Variants in RBFOX2 observed in about 807,000 individuals in gnomAD.
RBFOX2 encodes RNA binding protein fox-1 homolog 2.
A neutral mutation model predicts 49.1 loss-of-function variants in RBFOX2; 10 were observed. That is an observed-to-expected ratio of 0.20 (90% CI 0.13 to 0.35). The LOEUF (loss-of-function observed/expected upper bound fraction) is 0.35, where lower values mean the gene tolerates loss of function less well. Ranked by LOEUF, RBFOX2 falls within the 10% of genes least tolerant of loss-of-function variation. The pLI is 1.00. For synonymous variants in RBFOX2, 183 were observed against 187.4 expected, an observed-to-expected ratio of 0.98 and a Z score of 0.19; for missense variants, 323 against 486.9, an observed-to-expected ratio of 0.66 and a Z score of 3.17.
intron 1 of RBFOX2, among the ~76,000 whole-genome samples, chr22:35,948,076 T>C (rs2054512594): frequency 6.6e-6 from 1 of 152,320 alleles, no homozygotes; most frequent in African/African-American, 2.4e-5. Flanking sequence ...TTATACTGTA[T>C]TTTTGCTGTA....
At chr22:36,002,413 G>A (rs1166371067) in intron 1 of RBFOX2, among the ~76,000 whole-genome samples, 2 of 152,118 alleles carry the variant, frequency 1.3e-5, no homozygotes, top group African/African-American at 2.4e-5. Context: ...AACTTACCGT[G>A]GGATACTATG....
intron 6 of RBFOX2, among the ~76,000 whole-genome samples, chr22:35,762,226 T>C (rs1939148921): frequency 6.6e-6 from 1 of 152,188 alleles, no homozygotes; most frequent in East Asian, 1.9e-4. Flanking sequence ...TTATGTTTAA[T>C]GTCAACTTTA....
intron 2 of RBFOX2, among the ~76,000 whole-genome samples, chr22:35,793,671 T>C (rs567019979): frequency 8.5e-5 from 13 of 152,352 alleles, no homozygotes; most frequent in African/African-American, 1.2e-4. Context: ...TACATTTACT[T>C]AGAGCAACTC....
chr22:35,798,320 G>C (rs1949150305), intron 2 of RBFOX2, among the ~76,000 whole-genome samples: 1 of 152,174 alleles, frequency 6.6e-6, no homozygotes, highest in Non-Finnish European at 1.5e-5. Flanking sequence ...TTGAGGGCAG[G>C]GGCTTTATTT....
chr22:35,898,290 C>T, intron 1 of RBFOX2: 1 of 746,956 alleles, frequency 1.3e-6, no homozygotes. Context: ...GGTATGAGGG[C>T]ATGATGAAGC....
At chr22:35,940,521 G>A (rs1327305288), upstream of RBFOX2, among the ~76,000 whole-genome samples, 4 of 152,240 alleles carry the variant, frequency 2.6e-5, no homozygotes, top group East Asian at 7.7e-4. Context: ...TAGCTGCTCT[G>A]GAAACAGTTG....
chr22:35,830,467 G>C lies in RBFOX2; in HGVS notation c.27+9725C>G, dbSNP rs539600849. Among the ~76,000 whole-genome samples, 3 of 152,316 alleles carry C rather than the reference G, an allele frequency of 2.0e-5. No individual in the cohort carries two copies. The South Asian group carries it at 6.2e-4, about 32-fold the overall frequency. ...AATAGTCATGTATCACTTGATGACA[G>C]GGATATGTTCTGAGAAACGTGTCCT... On this transcript the variant is annotated intron_variant, in intron 1 of 11. Coordinates refer to ENST00000405409, the Ensembl canonical transcript of RBFOX2.
intron 4 of RBFOX2, among the ~76,000 whole-genome samples, chr22:35,777,210 C>T (rs986189673): frequency 2.6e-5 from 4 of 151,872 alleles, no homozygotes; most frequent in African/African-American, 4.8e-5. Context: ...CAGAGTTTCA[C>T]CATGTTGGCC....
Position 35,809,775 on chromosome 22 carries a change from C to T in RBFOX2, c.252+5G>A. 6.2e-7 allele frequency: 1 copy of T among 1,613,004 alleles called. No homozygotes were observed. The highest frequency in any genetic ancestry group is 8.5e-7 in the Non-Finnish European group (1 of 1,179,594). ...CTTCCATTTTTCACCTCATGGTCCA[C>T]GTACCGTAAGAGATCCATTTTGTGT... On this transcript the variant is annotated splice_donor_5th_base_variant and intron_variant, in intron 2 of 11. Transcript: ENST00000405409.
chr22:35,774,251 G>A (rs1943368934), intron 4 of RBFOX2, among the ~76,000 whole-genome samples: 1 of 152,012 alleles, frequency 6.6e-6, no homozygotes, highest in Non-Finnish European at 1.5e-5. Flanking sequence ...GCCTGGATAA[G>A]CCAGGAAATA....
In RBFOX2 at chr22:35,800,561, G is replaced by A. The variant is rs560087868; in HGVS notation, c.252+9219C>T. On this transcript the variant is annotated intron_variant, in intron 2 of 11. Transcript: ENST00000405409. The stretch of plus-strand genomic sequence containing the variant: ...CTTCAACTTTGTATTGAGAACTGAC[G>A]TTCTTAACTCTTCCCACTACCATCT... 2.0e-5 allele frequency among the ~76,000 whole-genome samples: 3 copies of A among 152,098 alleles called. No individual in the cohort carries two copies. The South Asian group carries it at 6.2e-4, about 32-fold the overall frequency.
chr22:36,003,032 GA>G (rs1209842503), intron 1 of RBFOX2, among the ~76,000 whole-genome samples: 12 of 152,184 alleles, frequency 7.9e-5, no homozygotes, highest in African/African-American at 2.9e-4. Flanking sequence ...GACACTCCTT[GA>G]ACTCTTATCC....
chr22:35,949,894 T>C (rs1470775914), intron 1 of RBFOX2, among the ~76,000 whole-genome samples: 3 of 152,334 alleles, frequency 2.0e-5, no homozygotes, highest in Admixed American at 6.5e-5. Context: ...CGTCCTTTGA[T>C]GCATAAAAGT....
intron 4 of RBFOX2, among the ~76,000 whole-genome samples, chr22:35,770,605 T>C (rs928050424): frequency 6.6e-6 from 1 of 152,188 alleles, no homozygotes. Flanking sequence ...CAGTATTCTA[T>C]TTACTAAACT....
intron 1 of RBFOX2, among the ~76,000 whole-genome samples, chr22:35,968,024 C>A (rs1163195109): frequency 6.6e-6 from 1 of 152,152 alleles, no homozygotes; most frequent in Non-Finnish European, 1.5e-5. Flanking sequence ...CACACACCCA[C>A]ACAACCCGAA....
intron 1 of RBFOX2, among the ~76,000 whole-genome samples, chr22:35,926,810 C>T (rs1569493853): frequency 6.6e-6 from 1 of 152,146 alleles, no homozygotes; most frequent in African/African-American, 2.4e-5. Context: ...AAAAACCAAA[C>T]CCATTACCAC....
At position 35,758,436 on chromosome 22, in the gene RBFOX2, T is replaced by C. The variant is rs571614613; in HGVS notation, c.887+1452A>G. Among the ~76,000 whole-genome samples, 18 of 152,304 alleles carry C rather than the reference T, an allele frequency of 1.2e-4. No homozygotes were observed. The South Asian group carries it at 2.5e-3, about 21-fold the overall frequency. ...CTCTCTTTGCAAATATGACAGTAAATTCTCTTGGATTACAACGGAAGACAT... is the reference window on the plus strand; with the variant it reads ...CTCTCTTTGCAAATATGACAGTAAACTCTCTTGGATTACAACGGAAGACAT... On this transcript the variant is annotated intron_variant, in intron 9 of 11. Coordinates refer to ENST00000405409, the Ensembl canonical transcript of RBFOX2.
upstream of RBFOX2, among the ~76,000 whole-genome samples, chr22:35,962,487 T>A (rs183871227): frequency 3.9e-5 from 6 of 152,344 alleles, no homozygotes; most frequent in African/African-American, 7.2e-5. Flanking sequence ...TAAGTTGGCA[T>A]TATTATTAGT....
chr22:35,963,870 T>C (rs539256516), upstream of RBFOX2, among the ~76,000 whole-genome samples: 5 of 152,242 alleles, frequency 3.3e-5, no homozygotes, highest in Non-Finnish European at 7.4e-5. Flanking sequence ...CTCAGCCTCC[T>C]GAGTAGCTGG....
Sources: allele counts gnomAD v4.1 joint callset (sites outside exome capture counted in the v4.1 genomes callset), GRCh38; gene constraint gnomAD v4.1.1; transcripts MANE v1.5; gene names NCBI Gene and HGNC (gene_info 2026-07-23, HGNC 2026-07-21).